The following RASGRF2 variants were observed in gnomAD, a reference collection of about 807,000 sequenced individuals.
RASGRF2 encodes Ras protein specific guanine nucleotide releasing factor 2, also known as ras-specific guanine nucleotide-releasing factor 2.
In RASGRF2, 76 loss-of-function variants were observed where a neutral mutation model predicts 151.0. The ratio of observed to expected loss-of-function variants is 0.50; its 90% confidence interval spans 0.42 to 0.61. The LOEUF (loss-of-function observed/expected upper bound fraction) is 0.61, where lower values mean the gene tolerates loss of function less well. Among genes scored for constraint, RASGRF2 ranks in the 20% least tolerant of loss-of-function variants. The pLI is 0.00. For synonymous variants in RASGRF2, 504 were observed against 566.5 expected (o/e 0.89, Z 1.57); for missense variants, 1,148 against 1,564.6 (o/e 0.73, Z 4.49).
chr5:81,044,021 C>G lies in RASGRF2; in HGVS notation c.395+1038C>G, dbSNP rs377132319. ...GTTTCCTGAGTGGGATTGTATACAC[C>G]TTGAGAATGAGGAGAGGGATTGGGG... is the stretch of plus-strand genomic sequence containing the variant. On this transcript the variant is annotated intron_variant, in intron 2 of 26. Transcript: ENST00000265080. Among the ~76,000 whole-genome samples, 15 of 152,224 alleles carry G rather than the reference C, an allele frequency of 9.9e-5. No homozygotes were observed. The South Asian group carries it at 2.7e-3, about 27-fold the overall frequency.
Position 80,994,200 on chromosome 5 carries a change from A to C in RASGRF2, c.288+33174A>C, listed in dbSNP as rs566101292. Among the ~76,000 whole-genome samples, 151 of 151,678 alleles carry C rather than the reference A, an allele frequency of 1.0e-3. 1 individual carries two copies. The highest frequency in any genetic ancestry group is 6.9e-3 in the South Asian group (33 of 4,768). On this transcript the variant is annotated intron_variant, in intron 1 of 26. Transcript: ENST00000265080. ...CTAACACGGTGAAACCCCGTCTCTA[A>C]TAAAAATACAAAAAAATTAGCCAGG... is the stretch of plus-strand genomic sequence containing the variant.
intron 1 of RASGRF2, among the ~76,000 whole-genome samples, chr5:81,020,589 T>C (rs944731396): frequency 1.3e-5 from 2 of 152,080 alleles, no homozygotes; most frequent in African/African-American, 4.8e-5. Context: ...GAGAGACACA[T>C]TAGTGGACAG....
Position 80,964,055 on chromosome 5 carries a change from G to C in RASGRF2, c.288+3029G>C, listed in dbSNP as rs532865493. On this transcript the variant is annotated intron_variant, in intron 1 of 26. Transcript: ENST00000265080. ...ATTGTTTCCAGTTAAGCAGAAAAAA[G>C]AAAGTCACTTTCCAAATATGCTTAG... 2.0e-4 allele frequency among the ~76,000 whole-genome samples: 29 copies of C among 147,456 alleles called. No homozygotes were observed. In the East Asian group the frequency reaches 5.4e-3, roughly 27 times the overall value.
intron 12 of RASGRF2, among the ~76,000 whole-genome samples, chr5:81,099,562 C>T (rs1192297227): frequency 1.3e-5 from 2 of 152,006 alleles, no homozygotes; most frequent in Non-Finnish European, 2.9e-5. Flanking sequence ...GACAGACTGC[C>T]ACAATTCCTT....
intron 17 of RASGRF2, among the ~76,000 whole-genome samples, chr5:81,127,663 C>T (rs1358176148): frequency 1.3e-5 from 2 of 151,922 alleles, no homozygotes; most frequent in Non-Finnish European, 2.9e-5. Flanking sequence ...GTGGCTCACA[C>T]CTGTAATCCT....
intron 4 of RASGRF2, among the ~76,000 whole-genome samples, chr5:81,071,295 T>G (rs1751766412): frequency 1.3e-5 from 2 of 152,248 alleles, no homozygotes; most frequent in Admixed American, 1.3e-4. Context: ...TTATTCCTCT[T>G]ATTTTATGCT....
chr5:81,169,938 C>A (rs1754609981), intron 17 of RASGRF2, among the ~76,000 whole-genome samples: 1 of 150,014 alleles, frequency 6.7e-6, no homozygotes. Context: ...CCTGTACCAC[C>A]TGTATCACCC....
At chr5:81,123,477 T>C (rs1293752429) in intron 15 of RASGRF2, among the ~76,000 whole-genome samples, 165 bp from the exon 16 acceptor site, 1 of 152,176 alleles carries the variant, frequency 6.6e-6, no homozygotes, top group Non-Finnish European at 1.5e-5. Flanking sequence ...TTAGAGAAGA[T>C]CCTTTTTTAG....
chr5:81,216,306 G>T (rs1755733666), intron 24 of RASGRF2, among the ~76,000 whole-genome samples: 1 of 150,492 alleles, frequency 6.6e-6, no homozygotes, highest in Non-Finnish European at 1.5e-5. Context: ...AGCACCTGTT[G>T]ATTATTATTT....
chr5:81,085,700 G>T, intron 7 of RASGRF2, 102 bp from the exon 8 acceptor site: 1 of 1,519,564 alleles, frequency 6.6e-7, no homozygotes, highest in Non-Finnish European at 8.8e-7. Flanking sequence ...TAAAAAGTGG[G>T]AGAGTAGAGA....
chr5:81,200,116 TA>T (rs1755353677), intron 18 of RASGRF2, among the ~76,000 whole-genome samples: 1 of 149,092 alleles, frequency 6.7e-6, no homozygotes, highest in Non-Finnish European at 1.5e-5. Flanking sequence ...ACAAAAAATT[TA>T]AAAATTGGCT....
chr5:81,220,351 GAAT>G, intron 26 of RASGRF2, among the ~76,000 whole-genome samples: 1 of 152,128 alleles, frequency 6.6e-6, no homozygotes, highest in Non-Finnish European at 1.5e-5. Context: ...TACTTTTTTA[GAAT>G]AGTTTTAGCT....
chr5:81,099,629 C>G (rs1321417007), intron 12 of RASGRF2, among the ~76,000 whole-genome samples: 4 of 152,170 alleles, frequency 2.6e-5, no homozygotes, highest in African/African-American at 9.7e-5. Context: ...CTATGTAACT[C>G]TCTTCTAAGT....
At chr5:81,064,018 G>A (rs535739724) in intron 2 of RASGRF2, among the ~76,000 whole-genome samples, 1 of 152,036 alleles carries the variant, frequency 6.6e-6, no homozygotes, top group Non-Finnish European at 1.5e-5. Context: ...ACAATTTATT[G>A]TTATACACAG....
chr5:81,095,021 G>A, intron 12 of RASGRF2, 29 bp downstream of exon 12: 1 of 1,379,804 alleles, frequency 7.2e-7, no homozygotes, highest in South Asian at 1.9e-5. Flanking sequence ...CCAAATTTTT[G>A]TTTTTTAAAT....
chr5:80,961,450 G>T (rs903494833), intron 1 of RASGRF2, among the ~76,000 whole-genome samples: 47 of 152,206 alleles, frequency 3.1e-4, no homozygotes, highest in African/African-American at 9.9e-4. Context: ...CGGCTGGCGC[G>T]TGTAGATTTC....
intron 18 of RASGRF2, among the ~76,000 whole-genome samples, chr5:81,184,924 C>T (rs1236762137): frequency 2.0e-5 from 3 of 152,208 alleles, no homozygotes; most frequent in East Asian, 1.9e-4. Flanking sequence ...CTGGACTTAA[C>T]GTAATTATGT....
chr5:81,135,870 G>T (rs1580349485), intron 17 of RASGRF2, among the ~76,000 whole-genome samples: 1 of 152,198 alleles, frequency 6.6e-6, no homozygotes, highest in African/African-American at 2.4e-5. Context: ...GTTTTTGAAA[G>T]TGGCTGTACC....
At chr5:81,127,265 T>C (rs368031932) in intron 17 of RASGRF2, 102 bp downstream of exon 17, 2 of 1,218,336 alleles carry the variant, frequency 1.6e-6, no homozygotes, top group African/African-American at 1.5e-5. Context: ...GCTCTCACAC[T>C]GGAATCCCAG....
Sources: gnomAD v4.1 joint callset for allele counts (sites outside exome capture counted in the v4.1 genomes callset) on GRCh38, gnomAD v4.1.1 for gene constraint, MANE v1.5 for transcripts, NCBI Gene and HGNC (gene_info 2026-07-23, HGNC 2026-07-21) for gene names.